Variants in TASOR observed in about 807,000 individuals in gnomAD.
The protein encoded by TASOR is protein TASOR.
TASOR carries 53 observed loss-of-function variants against 178.6 expected under a neutral mutation model. That is an observed-to-expected ratio of 0.30 (90% CI 0.24 to 0.37). The LOEUF (loss-of-function observed/expected upper bound fraction) is 0.37. TASOR is among the 10% of genes least tolerant of loss of function. The pLI is 1.00. For synonymous variants in TASOR, 713 were observed against 696.2 expected (o/e 1.02, Z -0.38); for missense variants, 1,815 against 1,971.4 (o/e 0.92, Z 1.50).
chr3:56,656,663 A>T (rs1027528060), intron 11 of TASOR, among the ~76,000 whole-genome samples: 5 of 152,046 alleles, frequency 3.3e-5, no homozygotes, highest in Admixed American at 1.3e-4. Context: ...GCTGGGGATA[A>T]ATCTAACAAA....
chr3:56,683,100 T>A lies in TASOR; in HGVS notation c.-94A>T. ...CGGGCCAGTCTCGCCGCCGAGCTGCTCTCAGCCCACCCACCCCCTTCCCCC... is the reference window on the plus strand; with the variant it reads ...CGGGCCAGTCTCGCCGCCGAGCTGCACTCAGCCCACCCACCCCCTTCCCCC... On this transcript the variant is annotated 5_prime_UTR_variant, in exon 1 of 24. Transcript: ENST00000683822. 1.5e-6 allele frequency: 2 copies of A among 1,347,636 alleles called. No homozygotes were observed. Among genetic ancestry groups the A allele is most frequent in the Non-Finnish European group, 9.8e-7 (1 of 1,016,472 alleles). The allele number at this position is 1,347,636 out of a possible 1,614,324, so 83.5% of individuals were successfully genotyped here. A position where few individuals can be genotyped will look rare whatever the true frequency, so the allele number is the denominator to read the frequency against.
intron 2 of TASOR, among the ~76,000 whole-genome samples, chr3:56,673,051 C>A (rs1578294096): frequency 6.6e-6 from 1 of 152,012 alleles, no homozygotes; most frequent in African/African-American, 2.4e-5. Flanking sequence ...CCTCAAGCGA[C>A]CCGTCCACCT....
In TASOR at chr3:56,641,439, G is replaced by T; in HGVS notation, c.2529C>A (p.Ser843Arg). 1 of 1,609,154 alleles carries T rather than the reference G, an allele frequency of 6.2e-7. No individual in the cohort carries two copies. The highest frequency in any genetic ancestry group is 8.5e-7 in the Non-Finnish European group (1 of 1,175,668). ...VENAQFKGTQ[S>R]LLLEVDATSK... Reference sequence around the variant, plus strand: ...ATGTTGCATCAACTTCTAGTAATAAGCTCTGAGTACCCTTAAACTGTGCAT... The same window carrying T: ...ATGTTGCATCAACTTCTAGTAATAATCTCTGAGTACCCTTAAACTGTGCAT... The change falls in exon 15 of 24, where the codon AGC becomes AGA. Residue 843 changes from serine (S) to arginine (R), a missense_variant. Around this residue, in one of 5 missense-constraint regions of TASOR, gnomAD observed 655 missense variants for 671.1 expected, o/e 0.98. Transcript: ENST00000683822.
At position 56,666,787 on chromosome 3, in the gene TASOR, A is replaced by G. The variant is rs543140733; in HGVS notation, c.898-403T>C. On this transcript the variant is annotated intron_variant, in intron 6 of 23. Transcript: ENST00000683822. ...GGTTTTGCTATTTCAAAAGAAAAAC[A>G]CACCTGGGCTCCAATTGCAAACAAA... Among the ~76,000 whole-genome samples, 14 of 152,354 alleles carry G rather than the reference A, an allele frequency of 9.2e-5. No individual in the cohort carries two copies. The East Asian group carries it at 2.3e-3, about 25-fold the overall frequency.
intron 1 of TASOR, among the ~76,000 whole-genome samples, chr3:56,679,196 T>C (rs2031584251): frequency 6.6e-6 from 1 of 152,230 alleles, no homozygotes; most frequent in African/African-American, 2.4e-5. Context: ...TCCATCCATT[T>C]GTTCTTCACA....
intron 11 of TASOR, among the ~76,000 whole-genome samples, chr3:56,651,437 G>T (rs967766657): frequency 6.6e-6 from 1 of 152,104 alleles, no homozygotes; most frequent in Non-Finnish European, 1.5e-5. Context: ...GCTCATGCCT[G>T]TAATCTCAGC....
rs34101168 is a variant in TASOR, at chr3:56,666,152, T to TAA, written c.1022+106_1022+107dup. 2.9e-3 allele frequency: 2,475 copies of TAA among 854,986 alleles called. 7 individuals are homozygous for TAA. Among genetic ancestry groups the TAA allele is most frequent in the African/African-American group, 0.019 (1,052 of 55,076 alleles). The allele number at this position is 854,986 out of a possible 1,614,324, so 53.0% of individuals were successfully genotyped here. ...GTCTCCAACCAACTTCAAGGGAAGTTAAAAAAAAAAAAATGGGAAGGAAAC... is the reference window on the plus strand; with the variant it reads ...GTCTCCAACCAACTTCAAGGGAAGTTAAAAAAAAAAAAAAATGGGAAGGAAAC... On this transcript the variant is annotated intron_variant, in intron 7 of 23. Transcript: ENST00000683822.
chr3:56,626,969 A>T, intron 21 of TASOR, 68 bp downstream of exon 21: 1 of 975,026 alleles, frequency 1.0e-6, no homozygotes. Flanking sequence ...CAAACATGGG[A>T]AGAGAGAAAT....
chr3:56,682,984 T>C lies in TASOR; in HGVS notation c.23A>G (p.Glu8Gly). ...ACTCGCATCCGTCGGCTGACAGGCC[T>C]CCGTCTCCACAGCAGTCGCCATCGC... MATAVET[E>G]ACQPTDASWE... is the part of the protein sequence containing the mutation. The change falls in exon 1 of 24, where the codon GAG becomes GGG. Residue 8 changes from glutamate (E) to glycine (G), a missense_variant. This residue lies in a region of TASOR where 244 missense variants were observed against 202.7 expected (regional missense o/e 1.20). Transcript: ENST00000683822. The C allele has an allele frequency of 6.5e-7, 1 of 1,548,494 alleles. No homozygotes were observed. Among genetic ancestry groups the C allele is most frequent in the Non-Finnish European group, 8.7e-7 (1 of 1,145,844 alleles).
chr3:56,672,387 T>A (rs1237343390), intron 2 of TASOR, among the ~76,000 whole-genome samples: 1 of 152,246 alleles, frequency 6.6e-6, no homozygotes, highest in African/African-American at 2.4e-5. Context: ...ACTAAGATTT[T>A]AATTTTCTCT....
At chr3:56,627,325 T>C (rs1176797424) in intron 20 of TASOR, among the ~76,000 whole-genome samples, 180 bp from the exon 21 acceptor site, 1 of 152,188 alleles carries the variant, frequency 6.6e-6, no homozygotes, top group Non-Finnish European at 1.5e-5. Context: ...ATATAACATC[T>C]ACACATAAAA....
At position 56,622,568 on chromosome 3, in the gene TASOR, A is replaced by C. The variant is rs1463446818; in HGVS notation, c.*469T>G. ...TATCTAAATGAAACTGCACTGTTAG[A>C]TAAATCTTGAGGTATCGAGCCAAAA... On this transcript the variant is annotated 3_prime_UTR_variant, in exon 24 of 24. Transcript: ENST00000683822. The C allele has an allele frequency of 6.5e-6, 1 of 152,760 alleles. No homozygotes were observed. Among genetic ancestry groups the C allele is most frequent in the Non-Finnish European group, 1.5e-5 (1 of 68,104 alleles). The allele number at this position is 152,760 out of a possible 1,614,324, so 9.5% of individuals were successfully genotyped here.
chr3:56,634,309 A>G (rs967600831), intron 17 of TASOR, among the ~76,000 whole-genome samples: 12 of 152,330 alleles, frequency 7.9e-5, no homozygotes, highest in African/African-American at 2.9e-4. Flanking sequence ...AAGACAGTCA[A>G]TTACATCAGC....
intron 16 of TASOR, 74 bp from the exon 17 acceptor site, chr3:56,638,839 A>G: frequency 7.3e-7 from 1 of 1,369,250 alleles, no homozygotes; most frequent in Non-Finnish European, 1.0e-6. Context: ...AGACAACCCC[A>G]AGTGATAACA....
At chr3:56,666,472 A>T in intron 6 of TASOR, 88 bp from the exon 7 acceptor site, 2 of 1,060,074 alleles carry the variant, frequency 1.9e-6, no homozygotes, top group Non-Finnish European at 2.6e-6. Context: ...GAAATAGAAA[A>T]CCATATATGC....
At chr3:56,671,544 A>T in intron 3 of TASOR, 56 bp downstream of exon 3, 1 of 1,260,504 alleles carries the variant, frequency 7.9e-7, no homozygotes, top group East Asian at 2.6e-5. Context: ...TCACAAAATT[A>T]GTAACTTACA....
chr3:56,633,436 G>A lies in TASOR; in HGVS notation c.3355C>T (p.His1119Tyr). 6.2e-7 allele frequency: 1 copy of A among 1,614,098 alleles called. No individual in the cohort carries two copies. The highest frequency in any genetic ancestry group is 8.5e-7 in the Non-Finnish European group (1 of 1,179,978). The part of the protein sequence containing the change: ...AKIASNPLER[H>Y]VIPVSSSDFN... ...TCACTTGAGGAAACTGGTATGACAT[G>A]CCTTTCCAGAGGATTCGATGCTATC... Residue 1119 changes from histidine (H) to tyrosine (Y), a missense_variant, in exon 18 of 24, where the codon CAT (histidine) becomes TAT (tyrosine). By Grantham distance (83) the His-to-Tyr change is moderately conservative. This residue lies in a region of TASOR where 655 missense variants were observed against 671.1 expected (regional missense o/e 0.98). Coordinates refer to ENST00000683822, the MANE Select transcript of TASOR (RefSeq NM_001365635.2).
intron 18 of TASOR, among the ~76,000 whole-genome samples, chr3:56,630,307 A>T (rs1360887573): frequency 6.6e-6 from 1 of 152,212 alleles, no homozygotes; most frequent in Non-Finnish European, 1.5e-5. Context: ...ATAATAAATC[A>T]GTTTGACTCC....
At chr3:56,666,423 G>A in intron 6 of TASOR, 39 bp from the exon 7 acceptor site, 4 of 1,417,736 alleles carry the variant, frequency 2.8e-6, no homozygotes, top group East Asian at 2.7e-5. Flanking sequence ...TCTTTAAAAA[G>A]GCAAGGTGAA....
Sources: gnomAD v4.1 joint callset for allele counts (sites outside exome capture counted in the v4.1 genomes callset) on GRCh38, gnomAD v4.1.1 for gene constraint, gnomAD v4.1.1 regional missense constraint, MANE v1.5 for transcripts, NCBI Gene and HGNC (gene_info 2026-07-23, HGNC 2026-07-21) for gene names.